Variants in ZFP69B observed in about 807,000 individuals in gnomAD.
ZFP69B encodes the protein zinc finger protein 69 homolog B.
ZFP69B carries 20 observed loss-of-function variants against 19.7 expected under a neutral mutation model. The ratio of observed to expected loss-of-function variants is 1.02; its 90% CI spans 0.71 to 1.48. ZFP69B has a LOEUF of 1.48. Ranked by LOEUF, ZFP69B falls within the 40% of genes most tolerant of loss-of-function variation. The pLI, the probability that ZFP69B is intolerant of heterozygous loss-of-function variation, is 0.00. For missense variants in ZFP69B, 583 were observed against 632.6 expected (o/e 0.92, Z 0.84); for synonymous variants, 220 against 222.7 (o/e 0.99, Z 0.11).
chr1:40,461,102 C>T (rs991411893), intron 4 of ZFP69B, among the ~76,000 whole-genome samples: 4 of 149,654 alleles, frequency 2.7e-5, no homozygotes, highest in Non-Finnish European at 5.9e-5. Flanking sequence ...GTCAAGATCG[C>T]CCCACTCCAC....
rs115911660 is a variant in ZFP69B at position 40,456,453 on chromosome 1, G to A, written c.214-492G>A. Among the ~76,000 whole-genome samples, 624 of 152,234 alleles carry A rather than the reference G, an allele frequency of 4.1e-3. 6 individuals are homozygous for A. The highest frequency in any genetic ancestry group is 4.1e-3 in the Non-Finnish European group (278 of 68,010). ...CCAGAATGTCTATCTCTGTCCAGAC[G>A]TCTTCATTACTAGGCAGAATTCATG... is the stretch of plus-strand genomic sequence containing the variant. On this transcript the variant is annotated intron_variant, in intron 2 of 4. Coordinates refer to ENST00000361584, the MANE Select transcript of ZFP69B (RefSeq NM_023070.3).
At chr1:40,460,828 A>T (rs1645275969) in intron 4 of ZFP69B, among the ~76,000 whole-genome samples, 1 of 152,058 alleles carries the variant, frequency 6.6e-6, no homozygotes, top group East Asian at 1.9e-4. Context: ...TAAAAATACA[A>T]AAAGTAGCTG....
At chr1:40,460,999 A>G (rs1645278602) in intron 4 of ZFP69B, among the ~76,000 whole-genome samples, 3 of 139,290 alleles carry the variant, frequency 2.2e-5, no homozygotes, top group Non-Finnish European at 3.1e-5. Context: ...AAAAAAAAAA[A>G]GCCAGGTGTG....
At chr1:40,455,430 T>G (rs149931524) in intron 2 of ZFP69B, among the ~76,000 whole-genome samples, 48 of 152,326 alleles carry the variant, frequency 3.2e-4, no homozygotes, top group African/African-American at 1.0e-3. Flanking sequence ...AGCTTTCTCA[T>G]AGGTTAAATG....
chr1:40,457,962 A>C (rs1448042654), intron 4 of ZFP69B, among the ~76,000 whole-genome samples: 1 of 152,222 alleles, frequency 6.6e-6, no homozygotes, highest in Non-Finnish European at 1.5e-5. Flanking sequence ...TGAGAAATCA[A>C]CCACAGAATT....
intron 1 of ZFP69B, among the ~76,000 whole-genome samples, chr1:40,452,440 A>G (rs146401620): frequency 2.7e-3 from 411 of 152,376 alleles, no homozygotes; most frequent in Non-Finnish European, 5.0e-3. Context: ...AATTAAGTTT[A>G]AAGACTGAAC....
chr1:40,457,402 G>A lies in ZFP69B; in HGVS notation c.399G>A (p.Trp133Ter). 1.9e-6 allele frequency: 3 copies of A among 1,614,192 alleles called. No homozygotes were observed. The highest frequency in any genetic ancestry group is 2.5e-6 in the Non-Finnish European group (3 of 1,180,018). Residue 133 changes from tryptophan to a stop codon, truncating the protein, a stop_gained, in exon 4 of 5, where the codon TGG (tryptophan) becomes TGA (stop). Coordinates refer to ENST00000361584, the MANE Select transcript of ZFP69B (RefSeq NM_023070.3). LOFTEE classifies it low-confidence loss of function (END_TRUNC). ...AGTTGGAGAAAGGAGAAGAACCATGGCTGATGGAGAGAGATATTTCAGGAG... is the reference window on the plus strand; with the variant it reads ...AGTTGGAGAAAGGAGAAGAACCATGACTGATGGAGAGAGATATTTCAGGAG... Reference protein sequence around the residue: ...ISQLEKGEEPWLMERDISGVP... With the variant: ...ISQLEKGEEP
chr1:40,458,517 T>G (rs865865679), intron 4 of ZFP69B, among the ~76,000 whole-genome samples: 1,803 of 152,052 alleles, frequency 0.012, 45 homozygotes, highest in African/African-American at 0.042. Flanking sequence ...AAATTGTTTT[T>G]TTTTTTTTTT....
Position 40,463,696 on chromosome 1 carries a change from T to TA in ZFP69B, c.*116dup, listed in dbSNP as rs1055188419. On this transcript the variant is annotated 3_prime_UTR_variant, in exon 5 of 5. Transcript: ENST00000361584. ...TTTTTGGATTTCCAAAAACGAACAT[T>TA]AAAAAAAAATGGTTTGGCACAATGT... The TA allele has an allele frequency of 2.9e-3, 2,980 of 1,013,620 alleles. 1 individual carries two copies. Among genetic ancestry groups the TA allele is most frequent in the Non-Finnish European group, 3.4e-3 (2,460 of 719,204 alleles). The allele number at this position is 1,013,620 out of a possible 1,614,324, so 62.8% of individuals were successfully genotyped here.
intron 2 of ZFP69B, among the ~76,000 whole-genome samples, chr1:40,456,187 C>T (rs1244739976): frequency 2.0e-5 from 3 of 152,176 alleles, no homozygotes; most frequent in Non-Finnish European, 4.4e-5. Context: ...GCCAGACTCT[C>T]TTCCACAATG....
At position 40,454,343 on chromosome 1, in the gene ZFP69B, G is replaced by T. The variant is rs1032518901; in HGVS notation, c.213+55G>T. 112 of 1,299,864 alleles carry T rather than the reference G, an allele frequency of 8.6e-5. 2 individuals are homozygous for T. The Admixed American group carries it at 2.7e-3, about 31-fold the overall frequency. The allele number at this position is 1,299,864 out of a possible 1,614,324, so 80.5% of individuals were successfully genotyped here. On this transcript the variant is annotated intron_variant, in intron 2 of 4. Transcript: ENST00000361584. ...ACATTGTTTCTCAGATTTTAAGAGCGCAGGAGTTTGATTTTCTTTGACTCA... is the reference window on the plus strand; with the variant it reads ...ACATTGTTTCTCAGATTTTAAGAGCTCAGGAGTTTGATTTTCTTTGACTCA...
chr1:40,451,858 C>T (rs561665278), intron 1 of ZFP69B, among the ~76,000 whole-genome samples: 4 of 152,232 alleles, frequency 2.6e-5, no homozygotes, highest in African/African-American at 4.8e-5. Context: ...TGCCTGTAAT[C>T]CCAGCAATTT....
chr1:40,457,215 CT>C lies in ZFP69B; in HGVS notation c.341-125del, dbSNP rs780403630. On this transcript the variant is annotated intron_variant, in intron 3 of 4. Coordinates refer to ENST00000361584, the MANE Select transcript of ZFP69B (RefSeq NM_023070.3). ...AACACCCAGTCAGGATTGCTATGCT[CT>C]TTTCTGCTCTGTTCTTTCTACTCTA... 104 of 1,477,880 alleles carry C rather than the reference CT, an allele frequency of 7.0e-5. No individual in the cohort carries two copies. The African/African-American group carries it at 1.3e-3, about 18-fold the overall frequency. 91.5% of individuals were successfully genotyped at this position (1,477,880 alleles called of 1,614,324 possible).
At chr1:40,457,272 A>G (rs1010224497) in intron 3 of ZFP69B, 72 bp from the exon 4 acceptor site, 2 of 1,557,566 alleles carry the variant, frequency 1.3e-6, no homozygotes, top group Non-Finnish European at 1.8e-6. Context: ...CCGAATACCA[A>G]AGAACCATAT....
At chr1:40,462,392 T>G in intron 4 of ZFP69B, 29 bp from the exon 5 acceptor site, 1 of 1,545,644 alleles carries the variant, frequency 6.5e-7, no homozygotes. Flanking sequence ...GCAAGGAATA[T>G]GGATCTTTTT....
chr1:40,452,740 A>G (rs759076782), intron 1 of ZFP69B, among the ~76,000 whole-genome samples: 17 of 152,218 alleles, frequency 1.1e-4, no homozygotes, highest in Non-Finnish European at 2.4e-4. Context: ...TCATAGATTT[A>G]ATAAATAGTA....
chr1:40,451,101 T>A lies in ZFP69B; in HGVS notation c.127+13T>A. On this transcript the variant is annotated intron_variant, in intron 1 of 4. Transcript: ENST00000361584. ...TTTAAAGCAGAAGGTAAGAATAAAC[T>A]GATGGGTGGGAGGGAGGAAAAGCAG... 6.6e-7 allele frequency: 1 copy of A among 1,516,968 alleles called. No individual in the cohort carries two copies. The highest frequency in any genetic ancestry group is 8.9e-7 in the Non-Finnish European group (1 of 1,127,394). 94.0% of individuals were successfully genotyped at this position (1,516,968 alleles called of 1,614,324 possible).
intron 4 of ZFP69B, 145 bp from the exon 5 acceptor site, chr1:40,462,276 A>G (rs537216121): frequency 9.6e-6 from 7 of 727,806 alleles, no homozygotes; most frequent in African/African-American, 1.8e-5. Flanking sequence ...CATCCATATC[A>G]GCTCTCTAGA....
At chr1:40,460,634 C>CA (rs939491371) in intron 4 of ZFP69B, among the ~76,000 whole-genome samples, 5 of 151,392 alleles carry the variant, frequency 3.3e-5, no homozygotes, top group African/African-American at 1.2e-4. Context: ...CACTTGAGGT[C>CA]AGGAGTTCAA....
Sources: allele counts gnomAD v4.1 joint callset (sites outside exome capture counted in the v4.1 genomes callset), GRCh38; gene constraint gnomAD v4.1.1; transcripts MANE v1.5; gene names NCBI Gene and HGNC (gene_info 2026-07-23, HGNC 2026-07-21).